The following ATRNL1 variants were observed in gnomAD, a reference collection of about 807,000 sequenced individuals.
ATRNL1 encodes the protein attractin like 1, also known as attractin-like protein 1.
In ATRNL1, 95 loss-of-function variants were observed where a neutral mutation model predicts 182.7. That is an observed-to-expected ratio of 0.52 (90% CI 0.44 to 0.62). ATRNL1 has a LOEUF of 0.62. ATRNL1 is among the 20% of genes least tolerant of loss of function. The pLI is 0.00. For synonymous variants in ATRNL1, 576 were observed against 568.3 expected, an observed-to-expected ratio of 1.01 and a Z score of -0.19; for missense variants, 1,471 against 1,679.5, an observed-to-expected ratio of 0.88 and a Z score of 2.17.
intron 27 of ATRNL1, among the ~76,000 whole-genome samples, chr10:115,798,830 CTTT>C (rs66936998): frequency 7.3e-5 from 8 of 110,340 alleles, no homozygotes; most frequent in Non-Finnish European, 9.3e-5. Context: ...TTTCTTTTTT[CTTT>C]TTTTTTTTTT....
intron 24 of ATRNL1, among the ~76,000 whole-genome samples, chr10:115,475,431 A>G (rs1265707357): frequency 6.6e-6 from 1 of 151,504 alleles, no homozygotes; most frequent in Admixed American, 6.6e-5. Flanking sequence ...GTTGTTATCA[A>G]TGGAAGTAAT....
At chr10:115,894,058 G>A (rs1952145847) in intron 28 of ATRNL1, among the ~76,000 whole-genome samples, 1 of 152,144 alleles carries the variant, frequency 6.6e-6, no homozygotes, top group South Asian at 2.1e-4. Context: ...ACTTCAGTTG[G>A]CAAGGAAGCC....
At chr10:115,412,125 A>G (rs551660525) in intron 20 of ATRNL1, among the ~76,000 whole-genome samples, 17 of 152,280 alleles carry the variant, frequency 1.1e-4, no homozygotes, top group African/African-American at 4.1e-4. Context: ...TGTGAAGTCT[A>G]TGCTTCCTAG....
At chr10:115,376,218 C>T (rs1469207024) in intron 19 of ATRNL1, among the ~76,000 whole-genome samples, 1 of 151,744 alleles carries the variant, frequency 6.6e-6, no homozygotes, top group Non-Finnish European at 1.5e-5. Flanking sequence ...CCATTAATAG[C>T]CTAATGGAGA....
At chr10:115,654,823 A>G (rs1394689320) in intron 26 of ATRNL1, among the ~76,000 whole-genome samples, 2 of 152,154 alleles carry the variant, frequency 1.3e-5, no homozygotes, top group Non-Finnish European at 2.9e-5. Flanking sequence ...CTCCCCTTGA[A>G]TCTGGATGGA....
chr10:115,204,537 A>G (rs1299065528), intron 8 of ATRNL1, among the ~76,000 whole-genome samples: 1 of 152,118 alleles, frequency 6.6e-6, no homozygotes, highest in Non-Finnish European at 1.5e-5. Context: ...GCATCTATTG[A>G]GATGATAATA....
At chr10:115,210,134 A>G (rs1267675936) in intron 8 of ATRNL1, among the ~76,000 whole-genome samples, 1 of 152,010 alleles carries the variant, frequency 6.6e-6, no homozygotes, top group South Asian at 2.1e-4. Context: ...AGTAGTGAAC[A>G]TTATATTTTT....
chr10:115,322,788 C>A (rs1056632706), intron 18 of ATRNL1, among the ~76,000 whole-genome samples: 1 of 151,968 alleles, frequency 6.6e-6, no homozygotes, highest in Non-Finnish European at 1.5e-5. Context: ...TAGCATTGTT[C>A]TTTTGAGTAT....
In ATRNL1 at chr10:115,552,334, T is replaced by A. The variant is rs1853041029; in HGVS notation, c.3795+2798T>A. Among the ~76,000 whole-genome samples, 7 of 151,500 alleles carry A rather than the reference T, an allele frequency of 4.6e-5. No homozygotes were observed. In the South Asian group the frequency reaches 1.4e-3, roughly 31 times the overall value. Reference sequence around the variant, plus strand: ...TTCCCAAAGGAAAAGAACCCACTATTATTTCTTTATGTGAATGTTACTGTC... The same window carrying A: ...TTCCCAAAGGAAAAGAACCCACTATAATTTCTTTATGTGAATGTTACTGTC... On this transcript the variant is annotated intron_variant, in intron 26 of 28. Coordinates refer to ENST00000355044, the MANE Select transcript of ATRNL1 (RefSeq NM_207303.4).
chr10:115,800,758 C>T (rs1949773226), intron 27 of ATRNL1, among the ~76,000 whole-genome samples: 1 of 152,104 alleles, frequency 6.6e-6, no homozygotes, highest in Admixed American at 6.5e-5. Flanking sequence ...CTCTCTCTTT[C>T]TGTCATGTGA....
chr10:115,094,330 A>T (rs976429843), intron 1 of ATRNL1, among the ~76,000 whole-genome samples: 6 of 152,216 alleles, frequency 3.9e-5, no homozygotes, highest in Non-Finnish European at 5.9e-5. Flanking sequence ...TCCGCTGCTC[A>T]GCACGAACAT....
intron 27 of ATRNL1, among the ~76,000 whole-genome samples, chr10:115,769,364 C>CCAACAA (rs1555075785): frequency 6.6e-6 from 1 of 152,092 alleles, no homozygotes; most frequent in Non-Finnish European, 1.5e-5. Flanking sequence ...TATACAGATA[C>CCAACAA]CAACAACACT....
chr10:115,250,925 T>G (rs114874180), intron 10 of ATRNL1, among the ~76,000 whole-genome samples: 1 of 152,328 alleles, frequency 6.6e-6, no homozygotes, highest in East Asian at 1.9e-4. Context: ...ATTCTGACTA[T>G]GTATGACAAA....
intron 27 of ATRNL1, among the ~76,000 whole-genome samples, chr10:115,757,319 G>A (rs1280069338): frequency 6.6e-6 from 1 of 152,084 alleles, no homozygotes; most frequent in Non-Finnish European, 1.5e-5. Context: ...TCCATGTGTA[G>A]TACTTCCTTC....
intron 21 of ATRNL1, among the ~76,000 whole-genome samples, chr10:115,430,919 T>C (rs1554963801): frequency 2.0e-5 from 3 of 152,100 alleles, no homozygotes; most frequent in Admixed American, 6.6e-5. Context: ...GCCAAAAATA[T>C]CAATAGTATT....
At chr10:115,219,104 G>A (rs1197247572) in intron 9 of ATRNL1, among the ~76,000 whole-genome samples, 3 of 151,886 alleles carry the variant, frequency 2.0e-5, no homozygotes, top group Non-Finnish European at 4.4e-5. Flanking sequence ...GCATGGTGAT[G>A]TGCGCCTGTA....
intron 18 of ATRNL1, among the ~76,000 whole-genome samples, chr10:115,326,902 T>C: frequency 6.6e-6 from 1 of 152,122 alleles, no homozygotes; most frequent in Non-Finnish European, 1.5e-5. Context: ...TGAAACTGGA[T>C]CCCTTCCTTA....
rs1336224872 is a variant in ATRNL1, at chr10:115,389,538, GTGTATATATATATATATATA to G, written c.3176-5119_3176-5100del. Among the ~76,000 whole-genome samples, 10 of 51,408 alleles carry G rather than the reference GTGTATATATATATATATATA, an allele frequency of 1.9e-4. 1 individual carries two copies. In the South Asian group the frequency reaches 3.7e-3, roughly 19 times the overall value. 33.7% of individuals were successfully genotyped at this position (51,408 alleles called of 152,430 possible). A position where few individuals can be genotyped will look rare whatever the true frequency, so the allele number is the denominator to read the frequency against. On this transcript the variant is annotated intron_variant, in intron 19 of 28. Coordinates refer to ENST00000355044, the MANE Select transcript of ATRNL1 (RefSeq NM_207303.4). ...AGCTGAATAGTATTCAAATGTGTAT[GTGTATATATATATATATATA>G]TATATATATATATATATATATATAT...
At chr10:115,548,885 C>A (rs1852813471) in intron 25 of ATRNL1, among the ~76,000 whole-genome samples, 2 of 152,050 alleles carry the variant, frequency 1.3e-5, no homozygotes, top group East Asian at 3.9e-4. Context: ...CCAGTTCTGA[C>A]AAACAAAAAT....
Sources: gnomAD v4.1 joint callset for allele counts (sites outside exome capture counted in the v4.1 genomes callset) on GRCh38, gnomAD v4.1.1 for gene constraint, MANE v1.5 for transcripts, NCBI Gene and HGNC (gene_info 2026-07-23, HGNC 2026-07-21) for gene names.